Variants in ARHGAP26 observed in about 807,000 individuals in gnomAD.
The protein encoded by ARHGAP26 is rho GTPase-activating protein 26.
A neutral mutation model predicts 104.8 loss-of-function variants in ARHGAP26; 38 were observed. The ratio of observed to expected loss-of-function variants is 0.36; its 90% CI spans 0.28 to 0.48. The LOEUF (loss-of-function observed/expected upper bound fraction) is 0.48. ARHGAP26 is among the 20% of genes least tolerant of loss of function. The probability of loss-of-function intolerance (pLI) is 0.99; values close to 1 mark genes in which losing one functional copy is unlikely to be tolerated. For synonymous variants in ARHGAP26, 341 were observed against 340.0 expected, an observed-to-expected ratio of 1.00 and a Z score of -0.03; for missense variants, 704 against 947.9, an observed-to-expected ratio of 0.74 and a Z score of 3.38.
intron 13 of ARHGAP26, among the ~76,000 whole-genome samples, chr5:143,037,789 T>G (rs1185871249): frequency 1.3e-5 from 2 of 152,216 alleles, no homozygotes; most frequent in African/African-American, 4.8e-5. Flanking sequence ...GATAAAGATG[T>G]AATTGTTTTC....
At chr5:143,155,347 C>T (rs1800350078) in intron 20 of ARHGAP26, among the ~76,000 whole-genome samples, 1 of 152,146 alleles carries the variant, frequency 6.6e-6, no homozygotes, top group African/African-American at 2.4e-5. Context: ...CAGTTTGTTA[C>T]TGGTGTGACC....
At chr5:143,052,935 C>T (rs1032245892) in intron 14 of ARHGAP26, among the ~76,000 whole-genome samples, 1 of 152,162 alleles carries the variant, frequency 6.6e-6, no homozygotes, top group African/African-American at 2.4e-5. Context: ...CTCCCTTTAC[C>T]TGGTGCATCA....
intron 17 of ARHGAP26, among the ~76,000 whole-genome samples, chr5:143,079,822 C>G (rs1421259435): frequency 6.6e-6 from 1 of 152,090 alleles, no homozygotes; most frequent in Non-Finnish European, 1.5e-5. Flanking sequence ...TTGACAGAAG[C>G]TTTGCAGGGC....
chr5:143,172,689 A>G lies in ARHGAP26; in HGVS notation c.1988+25308A>G, dbSNP rs188048057. ...GAAGTATTGAAAGGTTGTTTTTACT[A>G]TGGTGCAACAAGGAGAACAACCTGG... On this transcript the variant is annotated intron_variant, in intron 20 of 22. Transcript: ENST00000645722. Among the ~76,000 whole-genome samples, 20 of 152,316 alleles carry G rather than the reference A, an allele frequency of 1.3e-4. No homozygotes were observed. In the East Asian group the frequency reaches 3.5e-3, roughly 26 times the overall value.
In ARHGAP26 at chr5:143,223,584, C is replaced by T. The variant is rs898567656; in HGVS notation, c.*1138C>T. The T allele has an allele frequency of 8.6e-6, 2 of 232,300 alleles. No homozygotes were observed. The highest frequency in any genetic ancestry group is 1.7e-5 in the Non-Finnish European group (2 of 117,236). The allele number at this position is 232,300 out of a possible 1,614,324, so 14.4% of individuals were successfully genotyped here. A position where few individuals can be genotyped will look rare whatever the true frequency, so the allele number is the denominator to read the frequency against. On this transcript the variant is annotated 3_prime_UTR_variant, in exon 23 of 23. Coordinates refer to ENST00000645722, the MANE Select transcript of ARHGAP26 (RefSeq NM_001135608.3). ...CTCTAACCCACCACTGGCCAGCCCC[C>T]TTGCCCTACTCTGGGCTGCTGAACA... is the stretch of plus-strand genomic sequence containing the variant.
intron 10 of ARHGAP26, among the ~76,000 whole-genome samples, chr5:142,924,767 ATAG>A (rs1763672659): frequency 6.6e-6 from 1 of 152,206 alleles, no homozygotes; most frequent in Non-Finnish European, 1.5e-5. Flanking sequence ...CTGTCTCCAA[ATAG>A]TAGATTACCA....
chr5:142,778,803 T>C (rs561778283), intron 1 of ARHGAP26, among the ~76,000 whole-genome samples: 1 of 152,348 alleles, frequency 6.6e-6, no homozygotes, highest in East Asian at 1.9e-4. Flanking sequence ...CTTTGCATCC[T>C]TGTAGCCGGT....
chr5:143,191,941 A>G (rs547512192), intron 20 of ARHGAP26, among the ~76,000 whole-genome samples: 1 of 152,350 alleles, frequency 6.6e-6, no homozygotes, highest in African/African-American at 2.4e-5. Context: ...TTATGACATC[A>G]GATAATTCTG....
chr5:143,007,194 G>A (rs112905698), intron 11 of ARHGAP26, among the ~76,000 whole-genome samples: 4,603 of 69,122 alleles, frequency 0.067, 116 homozygotes, highest in Middle Eastern at 0.14. Context: ...CTCTGTCTCC[G>A]AAAAAAAAAA....
At chr5:142,828,684 G>A (rs1214348281) in intron 1 of ARHGAP26, among the ~76,000 whole-genome samples, 1 of 152,186 alleles carries the variant, frequency 6.6e-6, no homozygotes, top group Non-Finnish European at 1.5e-5. Context: ...GGTGATGGAC[G>A]GTTGCTGTGA....
rs558551765 is a variant in ARHGAP26 at position 142,996,058 on chromosome 5, G to A, written c.1108-18022G>A. The stretch of plus-strand genomic sequence containing the variant: ...GCCTACTGGGGGGTGGGGAGCAAGT[G>A]GAGGGATAGCATTAGGAGAAATACC... On this transcript the variant is annotated intron_variant, in intron 11 of 22. Coordinates refer to ENST00000645722, the MANE Select transcript of ARHGAP26 (RefSeq NM_001135608.3). 1.6e-4 allele frequency among the ~76,000 whole-genome samples: 24 copies of A among 152,226 alleles called. No individual in the cohort carries two copies. The South Asian group carries it at 4.6e-3, about 29-fold the overall frequency.
intron 14 of ARHGAP26, among the ~76,000 whole-genome samples, chr5:143,048,372 T>G (rs966824389): frequency 6.6e-6 from 1 of 151,986 alleles, no homozygotes; most frequent in Non-Finnish European, 1.5e-5. Flanking sequence ...GTGATTTTTG[T>G]GCCTCAGCTA....
chr5:142,771,750 T>G (rs1254453048), intron 1 of ARHGAP26, among the ~76,000 whole-genome samples: 2 of 152,266 alleles, frequency 1.3e-5, no homozygotes, highest in East Asian at 1.9e-4. Context: ...TCAAAGATTC[T>G]TGGACCTTTT....
chr5:142,869,208 C>CTTT (rs1262754470), intron 1 of ARHGAP26, among the ~76,000 whole-genome samples: 7 of 137,202 alleles, frequency 5.1e-5, no homozygotes, highest in Admixed American at 7.3e-5. Flanking sequence ...TTTCTTTTTT[C>CTTT]TTTTTTTTTT....
At chr5:143,054,860 C>A (rs3776343) in intron 15 of ARHGAP26, among the ~76,000 whole-genome samples, 68,831 of 152,108 alleles carry the variant, frequency 0.45, 19,539 homozygotes, top group East Asian at 0.82. Context: ...CATGAATCAT[C>A]TTCTGTTAAG....
chr5:143,132,754 A>G (rs889840613), intron 18 of ARHGAP26, among the ~76,000 whole-genome samples: 5 of 152,146 alleles, frequency 3.3e-5, no homozygotes, highest in South Asian at 2.1e-4. Context: ...TGCCTCCTTC[A>G]CTGTTAGACC....
At chr5:143,184,124 A>AT (rs1427357904) in intron 20 of ARHGAP26, among the ~76,000 whole-genome samples, 1 of 152,330 alleles carries the variant, frequency 6.6e-6, no homozygotes, top group East Asian at 1.9e-4. Flanking sequence ...ATATTACATT[A>AT]TCTATTTCAA....
chr5:142,799,676 G>T (rs1481972926), intron 1 of ARHGAP26, among the ~76,000 whole-genome samples: 1 of 152,210 alleles, frequency 6.6e-6, no homozygotes, highest in East Asian at 1.9e-4. Context: ...GTGAGGAGGG[G>T]TCTGCTTTCT....
At chr5:142,793,479 A>T (rs1205820375) in intron 1 of ARHGAP26, among the ~76,000 whole-genome samples, 2 of 152,026 alleles carry the variant, frequency 1.3e-5, no homozygotes, top group African/African-American at 4.8e-5. Context: ...AAGAGAGTTG[A>T]ACCCCTTCAG....
Sources: gnomAD v4.1 joint callset for allele counts (sites outside exome capture counted in the v4.1 genomes callset) on GRCh38, gnomAD v4.1.1 for gene constraint, MANE v1.5 for transcripts, NCBI Gene and HGNC (gene_info 2026-07-23, HGNC 2026-07-21) for gene names.